Variants in KIF15 observed in about 807,000 individuals in gnomAD.
The protein encoded by KIF15 is kinesin family member 15, also known as kinesin-like protein KIF15.
A neutral mutation model predicts 190.6 loss-of-function variants in KIF15; 140 were observed. The ratio of observed to expected loss-of-function variants is 0.73; its 90% CI spans 0.64 to 0.84. KIF15 has a LOEUF of 0.84. Among genes scored for constraint, KIF15 ranks in the 40% least tolerant of loss-of-function variants. KIF15 has a pLI of 0.00. For missense variants in KIF15, 1,372 were observed against 1,584.4 expected, an observed-to-expected ratio of 0.87 and a Z score of 2.28; for synonymous variants, 528 against 551.3, an observed-to-expected ratio of 0.96 and a Z score of 0.59.
Position 44,800,374 on chromosome 3 carries a change from C to T in KIF15, c.1159C>T (p.Leu387Phe). 2 of 1,614,182 alleles carry T rather than the reference C, an allele frequency of 1.2e-6. No individual in the cohort carries two copies. The highest frequency in any genetic ancestry group is 1.1e-5 in the South Asian group (1 of 91,090). The change falls in exon 11 of 35, where the codon CTC (leucine) becomes TTC (phenylalanine). Residue 387 changes from leucine to phenylalanine, a missense_variant. By Grantham distance (22) the Leu-to-Phe change is conservative. Coordinates refer to ENST00000326047, the MANE Select transcript of KIF15 (RefSeq NM_020242.3). ...CCAGCTCCAAGCTGAAGTGAAGAGG[C>T]TCAAAGAACAACTGGCGGAGCTTGC... Reference protein sequence around the residue: ...VSQLQAEVKRLKEQLAELASG... With the variant: ...VSQLQAEVKRFKEQLAELASG...
chr3:44,820,068 C>T (rs879626346), intron 20 of KIF15, among the ~76,000 whole-genome samples: 3 of 152,176 alleles, frequency 2.0e-5, no homozygotes, highest in Middle Eastern at 3.4e-3. Context: ...GGATTGCAAT[C>T]GCTGGTTTTT....
At chr3:44,788,913 G>A (rs1376950436) in intron 7 of KIF15, among the ~76,000 whole-genome samples, 1 of 152,178 alleles carries the variant, frequency 6.6e-6, no homozygotes. Context: ...ATGCAGCCAT[G>A]TTATTTCTTC....
chr3:44,838,355 G>T lies in KIF15; in HGVS notation c.3252G>T (p.Gly1084=). The T allele has an allele frequency of 1.2e-6, 2 of 1,614,020 alleles. No individual in the cohort carries two copies. Among genetic ancestry groups the T allele is most frequent in the Non-Finnish European group, 1.7e-6 (2 of 1,179,980 alleles). Residue 1084 remains glycine, a synonymous_variant, in exon 27 of 35, where the codon GGG becomes GGT. Coordinates refer to ENST00000326047, the MANE Select transcript of KIF15 (RefSeq NM_020242.3). Reference sequence around the variant, plus strand: ...CAGAGGCCTCAAAAAAACACTCGGGGCTGCTGCAGTCTGCCCAGGAAGAAC... The same window carrying T: ...CAGAGGCCTCAAAAAAACACTCGGGTCTGCTGCAGTCTGCCCAGGAAGAAC... ...MLTEASKKHS[G]LLQSAQEELT...
chr3:44,776,483 A>T (rs1705898550), intron 3 of KIF15, among the ~76,000 whole-genome samples: 2 of 152,142 alleles, frequency 1.3e-5, no homozygotes, highest in Non-Finnish European at 2.9e-5. Flanking sequence ...ATATGTGGCT[A>T]TTTAGATTTA....
chr3:44,842,341 A>G (rs561969901), intron 29 of KIF15, among the ~76,000 whole-genome samples: 6 of 152,152 alleles, frequency 3.9e-5, no homozygotes, highest in Non-Finnish European at 4.4e-5. Flanking sequence ...GGTGGGGCAC[A>G]TGGAAGAGTG....
At chr3:44,799,543 AT>A (rs1310851646) in intron 10 of KIF15, among the ~76,000 whole-genome samples, 1 of 144,000 alleles carries the variant, frequency 6.9e-6, no homozygotes, top group Admixed American at 7.0e-5. Context: ...TTAAAGCTTT[AT>A]TTTTTTAATT....
At chr3:44,783,628 A>C (rs1025695872) in intron 5 of KIF15, among the ~76,000 whole-genome samples, 2 of 152,170 alleles carry the variant, frequency 1.3e-5, no homozygotes, top group Non-Finnish European at 1.5e-5. Context: ...ATGTAAAATT[A>C]TCTACATGTT....
chr3:44,858,403 C>T (rs1025922669), intron 6 of KIF15, among the ~76,000 whole-genome samples: 36 of 152,014 alleles, frequency 2.4e-4, no homozygotes, highest in Non-Finnish European at 4.3e-4. Context: ...CCCCTTAAAG[C>T]CTGTTGTGGG....
In KIF15 at chr3:44,812,336, A is replaced by T. The variant is rs748764815; in HGVS notation, c.2277+47A>T. 12 of 1,333,032 alleles carry T rather than the reference A, an allele frequency of 9.0e-6. 1 individual carries two copies. The South Asian group carries it at 1.4e-4, about 16-fold the overall frequency. The allele number at this position is 1,333,032 out of a possible 1,614,324, so 82.6% of individuals were successfully genotyped here. ...CAGAAAATGTATGAAGTACCCTCAA[A>T]TGTTACCTTGAGGAAACATCCTCAA... On this transcript the variant is annotated intron_variant, in intron 18 of 34. Coordinates refer to ENST00000326047, the MANE Select transcript of KIF15 (RefSeq NM_020242.3).
intron 20 of KIF15, among the ~76,000 whole-genome samples, chr3:44,821,724 C>T (rs1697337341): frequency 1.3e-5 from 2 of 152,210 alleles, no homozygotes; most frequent in Non-Finnish European, 2.9e-5. Context: ...GACAGGGTGG[C>T]GGCTGGGCAG....
At chr3:44,861,806 A>G in intron 6 of KIF15, 1 of 1,199,126 alleles carries the variant, frequency 8.3e-7, no homozygotes, top group Non-Finnish European at 1.2e-6. Context: ...AGCGATTCCC[A>G]AGGGGCCTGC....
At chr3:44,819,525 G>A (rs780895005) in intron 20 of KIF15, among the ~76,000 whole-genome samples, 11 of 152,208 alleles carry the variant, frequency 7.2e-5, no homozygotes, top group South Asian at 2.1e-4. Context: ...TCAGGAGCAA[G>A]TTGTTCAGTT....
chr3:44,860,442 C>T lies in KIF15; in HGVS notation c.*59+7648C>T, dbSNP rs531993743. On this transcript the variant is annotated intron_variant and NMD_transcript_variant, in intron 6 of 6. Coordinates refer to the KIF15 transcript ENST00000422209. ...CTGGAGGGCAGTGGTGCAATTTCGG[C>T]TCACTGCAACCTCTGCCTCCTGGGT... 5.3e-5 allele frequency among the ~76,000 whole-genome samples: 8 copies of T among 152,258 alleles called. No homozygotes were observed. In the South Asian group the frequency reaches 1.5e-3, roughly 28 times the overall value.
intron 10 of KIF15, chr3:44,799,230 G>A (rs1707138655): frequency 1.1e-5 from 5 of 456,462 alleles, no homozygotes; most frequent in Non-Finnish European, 2.2e-5. Flanking sequence ...GAAGCAACTG[G>A]AAATGGCTGC....
Position 44,828,832 on chromosome 3 carries a change from G to A in KIF15, c.2943+532G>A, listed in dbSNP as rs564419788. Among the ~76,000 whole-genome samples, 3 of 152,038 alleles carry A rather than the reference G, an allele frequency of 2.0e-5. No homozygotes were observed. The South Asian group carries it at 6.2e-4, about 32-fold the overall frequency. On this transcript the variant is annotated intron_variant, in intron 24 of 34. Transcript: ENST00000326047. The stretch of plus-strand genomic sequence containing the variant: ...GCAGGTGGATCACCTGATGTGAGGA[G>A]TTCGAGACCAGCCTGACCAACATGG...
chr3:44,785,968 C>G (rs995767253), intron 6 of KIF15, among the ~76,000 whole-genome samples: 3 of 152,176 alleles, frequency 2.0e-5, no homozygotes, highest in African/African-American at 7.2e-5. Flanking sequence ...CGCCTGTAAT[C>G]CCAGCACTTT....
rs77259897 is a variant in KIF15, at chr3:44,779,360, T to G, written c.323+1169T>G. On this transcript the variant is annotated intron_variant, in intron 4 of 34. Coordinates refer to ENST00000326047, the MANE Select transcript of KIF15 (RefSeq NM_020242.3). ...GAAACCAAGATCTGGGCGCTAGGTG[T>G]GTTTGGTTTGTTGCTATTGGAATGC... 4.0e-3 allele frequency among the ~76,000 whole-genome samples: 614 copies of G among 152,236 alleles called. 4 individuals are homozygous for G. The highest frequency in any genetic ancestry group is 0.012 in the African/African-American group (516 of 41,530).
chr3:44,791,216 G>GA (rs200832893), intron 7 of KIF15, among the ~76,000 whole-genome samples: 1 of 151,536 alleles, frequency 6.6e-6, no homozygotes, highest in African/African-American at 2.4e-5. Context: ...ATGATTTATT[G>GA]AAAAAAACTC....
chr3:44,828,330 G>C, intron 24 of KIF15, 30 bp downstream of exon 24: 3 of 1,477,496 alleles, frequency 2.0e-6, no homozygotes, highest in Non-Finnish European at 2.8e-6. Context: ...ACATCTCTCT[G>C]TGCATTTTCT....
Sources: gnomAD v4.1 joint callset for allele counts (sites outside exome capture counted in the v4.1 genomes callset) on GRCh38, gnomAD v4.1.1 for gene constraint, MANE v1.5 for transcripts, NCBI Gene and HGNC (gene_info 2026-07-23, HGNC 2026-07-21) for gene names.